The following CHRM3 variants were observed in gnomAD, a reference collection of about 807,000 sequenced individuals.
CHRM3 encodes the protein muscarinic acetylcholine receptor M3.
Under a neutral mutation model 41.8 loss-of-function variants are expected in CHRM3, and 11 were observed. The ratio of observed to expected loss-of-function variants is 0.26; its 90% confidence interval spans 0.17 to 0.44. The LOEUF is 0.44. CHRM3 is among the 20% of genes least tolerant of loss of function. The probability of loss-of-function intolerance (pLI) is 1.00; values close to 1 mark genes in which losing one functional copy is unlikely to be tolerated. For missense variants in CHRM3, 571 were observed against 745.4 expected, an observed-to-expected ratio of 0.77 and a Z score of 2.72; for synonymous variants, 297 against 301.4, an observed-to-expected ratio of 0.99 and a Z score of 0.15.
chr1:239,639,305 T>G (rs1050981036), intron 4 of CHRM3, among the ~76,000 whole-genome samples: 6 of 152,218 alleles, frequency 3.9e-5, no homozygotes, highest in African/African-American at 1.4e-4. Flanking sequence ...GTGAAGAAAG[T>G]CATTGGTAGC....
At chr1:239,662,447 A>T (rs931302711) in intron 4 of CHRM3, among the ~76,000 whole-genome samples, 1 of 152,188 alleles carries the variant, frequency 6.6e-6, no homozygotes, top group East Asian at 1.9e-4. Flanking sequence ...GCATTCATTT[A>T]TCGGTATTTC....
Position 239,486,375 on chromosome 1 carries a change from C to T in CHRM3, c.-520-6334C>T, listed in dbSNP as rs150151724. ...TTCTTTCTTAGCTCTCAACTTGTAC[C>T]GCCACAAACCCCATCCAGTGTCAGT... On this transcript the variant is annotated intron_variant, in intron 1 of 6. Coordinates refer to ENST00000676153, the MANE Select transcript of CHRM3 (RefSeq NM_001375978.1). Among the ~76,000 whole-genome samples, 1,225 of 152,186 alleles carry T rather than the reference C, an allele frequency of 8.0e-3. 36 individuals carry two copies. Among genetic ancestry groups the T allele is most frequent in the Admixed American group, 0.056 (852 of 15,276 alleles).
chr1:239,543,120 AGAAT>A (rs1284720230), intron 2 of CHRM3, among the ~76,000 whole-genome samples: 6 of 152,168 alleles, frequency 3.9e-5, no homozygotes, highest in Non-Finnish European at 7.3e-5. Context: ...GTCATTCTGA[AGAAT>A]GGCACCTTTA....
intron 1 of CHRM3, among the ~76,000 whole-genome samples, chr1:239,402,484 A>G (rs997099145): frequency 6.6e-5 from 10 of 152,280 alleles, no homozygotes; most frequent in African/African-American, 2.4e-4. Context: ...AACAAGACCT[A>G]CAATTTTACC....
At chr1:239,761,711 T>A (rs1036312771) in intron 5 of CHRM3, among the ~76,000 whole-genome samples, 3 of 152,210 alleles carry the variant, frequency 2.0e-5, no homozygotes, top group Non-Finnish European at 4.4e-5. Context: ...GTGAACTGCA[T>A]CTGGCCTGGG....
At chr1:239,622,537 G>T (rs1177316437) in intron 3 of CHRM3, among the ~76,000 whole-genome samples, 1 of 152,050 alleles carries the variant, frequency 6.6e-6, no homozygotes, top group Non-Finnish European at 1.5e-5. Flanking sequence ...GATTTTGAGG[G>T]GTTCAAGACT....
At chr1:239,451,547 C>T (rs1007753805) in intron 1 of CHRM3, among the ~76,000 whole-genome samples, 39 of 152,146 alleles carry the variant, frequency 2.6e-4, no homozygotes, top group Non-Finnish European at 3.5e-4. Flanking sequence ...TAGCAGTGCT[C>T]ACTCCACCCA....
intron 1 of CHRM3, among the ~76,000 whole-genome samples, chr1:239,426,374 T>C (rs1043947863): frequency 2.7e-5 from 4 of 150,536 alleles, no homozygotes; most frequent in South Asian, 2.1e-4. Flanking sequence ...ACCATGGAAA[T>C]TGGCAAATGC....
intron 1 of CHRM3, among the ~76,000 whole-genome samples, chr1:239,415,220 A>G (rs1661403315): frequency 6.6e-6 from 1 of 152,180 alleles, no homozygotes; most frequent in Non-Finnish European, 1.5e-5. Flanking sequence ...CAGGAGGATC[A>G]CCTGAGGTCA....
intron 5 of CHRM3, among the ~76,000 whole-genome samples, chr1:239,726,044 G>A (rs961119645): frequency 6.6e-6 from 1 of 151,898 alleles, no homozygotes; most frequent in Non-Finnish European, 1.5e-5. Context: ...AAGAGAATTT[G>A]TATTGGAACA....
chr1:239,615,304 C>T (rs1388497392), intron 3 of CHRM3, among the ~76,000 whole-genome samples: 2 of 152,100 alleles, frequency 1.3e-5, no homozygotes, highest in African/African-American at 2.4e-5. Context: ...GATCTAAGAT[C>T]CAAGCAGCTT....
intron 5 of CHRM3, among the ~76,000 whole-genome samples, chr1:239,687,379 TG>T (rs1209843705): frequency 1.3e-5 from 2 of 152,164 alleles, no homozygotes; most frequent in Non-Finnish European, 2.9e-5. Flanking sequence ...CATGTAGTAT[TG>T]CTAATCCGTC....
At chr1:239,897,814 T>G (rs1169298764) in intron 6 of CHRM3, among the ~76,000 whole-genome samples, 1 of 152,158 alleles carries the variant, frequency 6.6e-6, no homozygotes, top group Non-Finnish European at 1.5e-5. Flanking sequence ...GAAACATCAG[T>G]CGAATCTAGG....
At chr1:239,885,964 G>A (rs1387852344) in intron 6 of CHRM3, 4 of 152,160 alleles carry the variant, frequency 2.6e-5, no homozygotes, top group African/African-American at 9.7e-5. Flanking sequence ...AATACGCTGG[G>A]AGCTATTTCT....
intron 4 of CHRM3, among the ~76,000 whole-genome samples, chr1:239,665,941 A>T (rs758189713): frequency 5.3e-5 from 8 of 152,146 alleles, no homozygotes; most frequent in Non-Finnish European, 8.8e-5. Flanking sequence ...GGTTGGTTCC[A>T]AGTCTTTGCT....
chr1:239,580,689 T>TTATATATATATA (rs1165930612), intron 3 of CHRM3, among the ~76,000 whole-genome samples: 2,857 of 64,762 alleles, frequency 0.044, 107 homozygotes, highest in Middle Eastern at 0.069. Flanking sequence ...TTGCCCAATT[T>TTATATATATATA]TATATATATA....
At chr1:239,446,583 G>C (rs190208777) in intron 1 of CHRM3, among the ~76,000 whole-genome samples, 1 of 152,238 alleles carries the variant, frequency 6.6e-6, no homozygotes, top group Admixed American at 6.5e-5. Flanking sequence ...AAATAAGACA[G>C]ATTTTTTATA....
chr1:239,591,001 C>CA (rs1244018208), intron 3 of CHRM3, among the ~76,000 whole-genome samples: 1 of 152,156 alleles, frequency 6.6e-6, no homozygotes, highest in Non-Finnish European at 1.5e-5. Flanking sequence ...ACAGTCTCCC[C>CA]ATCACAGTAA....
At chr1:239,662,893 C>CTCT (rs67465048) in intron 4 of CHRM3, among the ~76,000 whole-genome samples, 4,998 of 46,442 alleles carry the variant, frequency 0.11, 293 homozygotes, top group Middle Eastern at 0.2. Context: ...CTTCCTCCTC[C>CTCT]TCTTCTTCTT....
Sources: allele counts gnomAD v4.1 joint callset (sites outside exome capture counted in the v4.1 genomes callset), GRCh38; gene constraint gnomAD v4.1.1; transcripts MANE v1.5; gene names NCBI Gene and HGNC (gene_info 2026-07-23, HGNC 2026-07-21).